The following CACNA1B variants were observed in gnomAD, a reference collection of about 807,000 sequenced individuals.
CACNA1B encodes calcium voltage-gated channel subunit alpha1 B.
A neutral mutation model predicts 247.2 loss-of-function variants in CACNA1B; 70 were observed. The ratio of observed to expected loss-of-function variants is 0.28; its 90% CI spans 0.23 to 0.35. The LOEUF is 0.35. CACNA1B is among the 10% of genes least tolerant of loss of function. The pLI, the probability that CACNA1B is intolerant of heterozygous loss-of-function variation, is 1.00. For synonymous variants in CACNA1B, 1,231 were observed against 1,294.4 expected (o/e 0.95, Z 1.05); for missense variants, 2,367 against 3,197.4 (o/e 0.74, Z 6.26).
Position 138,059,805 on chromosome 9 carries a change from G to A in CACNA1B, c.4668+68G>A. ...TTCCTTCTAGAGCCTGCTCCCCTCA[G>A]TGCATCTCCAGGCCCTGTGTTAGCC... is the stretch of plus-strand genomic sequence containing the variant. On this transcript the variant is annotated intron_variant, in intron 31 of 46. Coordinates refer to ENST00000371372, the MANE Select transcript of CACNA1B (RefSeq NM_000718.4). This position sits in a 1 kb window ranked among gnomAD's most constrained non-coding sequence, Gnocchi z 4.2. The A allele has an allele frequency of 3.4e-6, 3 of 888,666 alleles. No homozygotes were observed. The highest frequency in any genetic ancestry group is 5.7e-6 in the Non-Finnish European group (3 of 524,060). The allele number at this position is 888,666 out of a possible 1,614,324, so 55.0% of individuals were successfully genotyped here.
chr9:138,016,646 G>A (rs1000922695), intron 18 of CACNA1B, among the ~76,000 whole-genome samples: 4 of 152,164 alleles, frequency 2.6e-5, no homozygotes, highest in South Asian at 2.1e-4. Flanking sequence ...GCCCCATCTC[G>A]AGGGCCGGGA....
chr9:137,934,029 C>T (rs1023752933), intron 6 of CACNA1B, among the ~76,000 whole-genome samples: 6 of 152,122 alleles, frequency 3.9e-5, no homozygotes, highest in African/African-American at 1.2e-4. Context: ...GAAGTGATTC[C>T]ATCCATTTTG....
intron 3 of CACNA1B, among the ~76,000 whole-genome samples, chr9:137,885,394 C>T (rs1459211084): frequency 6.6e-6 from 1 of 152,174 alleles, no homozygotes; most frequent in Admixed American, 6.5e-5. Flanking sequence ...AGGGAGGAAC[C>T]CTCACCTCAC....
intron 3 of CACNA1B, among the ~76,000 whole-genome samples, chr9:137,901,516 G>C (rs1174353736): frequency 7.9e-5 from 12 of 151,902 alleles, no homozygotes; most frequent in Admixed American, 3.3e-4. Context: ...AGTAGCGATG[G>C]GGTTATTATT....
intron 42 of CACNA1B, among the ~76,000 whole-genome samples, chr9:138,116,770 G>T (rs1006637307): frequency 6.6e-6 from 1 of 152,152 alleles, no homozygotes; most frequent in African/African-American, 2.4e-5. Flanking sequence ...CAGGGTTAGC[G>T]GTGCATTAGG....
intron 3 of CACNA1B, among the ~76,000 whole-genome samples, chr9:137,909,761 CT>C (rs989259265): frequency 1.3e-5 from 2 of 149,734 alleles, no homozygotes; most frequent in Admixed American, 6.7e-5. Flanking sequence ...CTATGTTTAA[CT>C]TTTTTTTTTC....
intron 6 of CACNA1B, among the ~76,000 whole-genome samples, chr9:137,922,534 C>T (rs1436986712): frequency 6.6e-6 from 1 of 151,962 alleles, no homozygotes; most frequent in Non-Finnish European, 1.5e-5. Flanking sequence ...TTGGCAAGGG[C>T]GGTCTCAGTG....
intron 20 of CACNA1B, among the ~76,000 whole-genome samples, chr9:138,041,889 G>C (rs1007835957): frequency 6.6e-6 from 1 of 152,192 alleles, no homozygotes; most frequent in South Asian, 2.1e-4. Context: ...GGAGTCGCTG[G>C]AACTGTATGC....
chr9:137,980,631 G>T (rs972423530), intron 12 of CACNA1B, among the ~76,000 whole-genome samples: 2 of 152,172 alleles, frequency 1.3e-5, no homozygotes, highest in African/African-American at 2.4e-5. Context: ...AGTGAGCATA[G>T]TACCCGGAAG....
intron 3 of CACNA1B, among the ~76,000 whole-genome samples, chr9:137,886,808 G>A (rs1429053802): frequency 6.6e-6 from 1 of 152,130 alleles, no homozygotes; most frequent in African/African-American, 2.4e-5. Context: ...GATGAGTGGC[G>A]GGCTTTTTTT....
In CACNA1B at chr9:138,051,735, C is replaced by G. The variant is rs910043545; in HGVS notation, c.3711-357C>G. On this transcript the variant is annotated intron_variant, in intron 24 of 46. Coordinates refer to ENST00000371372, the MANE Select transcript of CACNA1B (RefSeq NM_000718.4). The surrounding 1 kb of genome is among the most constrained non-coding windows in gnomAD (Gnocchi z 4.3). ...AGAAGATTCTCGCCCTAGAAACGTGCTTGTGGGCTCCCACTTCTGGGTCTG... is the reference window on the plus strand; with the variant it reads ...AGAAGATTCTCGCCCTAGAAACGTGGTTGTGGGCTCCCACTTCTGGGTCTG... 2.0e-5 allele frequency among the ~76,000 whole-genome samples: 3 copies of G among 152,128 alleles called. No individual in the cohort carries two copies. Among genetic ancestry groups the G allele is most frequent in the African/African-American group, 7.2e-5 (3 of 41,426 alleles).
rs1961060849 is a variant in CACNA1B at position 138,096,531 on chromosome 9, C to T, written c.5142C>T (p.Leu1714=). Residue 1714 remains leucine (L), a synonymous_variant, in exon 37 of 47, where the codon CTC becomes CTT. Coordinates refer to ENST00000371372, the MANE Select transcript of CACNA1B (RefSeq NM_000718.4). ...VAVIMDNFEY[L]TRDSSILGPH... The stretch of plus-strand genomic sequence containing the variant: ...TGATCATGGACAATTTTGAGTACCT[C>T]ACGCGGGACTCTTCCATCCTAGGTC... The T allele has an allele frequency of 6.2e-7, 1 of 1,612,346 alleles. No individual in the cohort carries two copies. The highest frequency in any genetic ancestry group is 1.1e-5 in the South Asian group (1 of 91,002).
chr9:138,025,812 G>A (rs1460506784), intron 20 of CACNA1B, among the ~76,000 whole-genome samples: 1 of 152,074 alleles, frequency 6.6e-6, no homozygotes, highest in Non-Finnish European at 1.5e-5. Context: ...GAGATCTGCT[G>A]GTTACAAATA....
intron 31 of CACNA1B, among the ~76,000 whole-genome samples, chr9:138,065,786 C>T (rs766852975): frequency 2.8e-4 from 43 of 152,200 alleles, no homozygotes; most frequent in Admixed American, 7.9e-4. Flanking sequence ...ATCCTTACAG[C>T]GCCCATTCCT....
rs118126774 is a variant in CACNA1B at position 138,017,379 on chromosome 9, G to T, written c.2267+4144G>T. On this transcript the variant is annotated intron_variant, in intron 18 of 46. Coordinates refer to ENST00000371372, the MANE Select transcript of CACNA1B (RefSeq NM_000718.4). ...TGGGCTTGCTCCCTGATGTCCCCAA[G>T]TCCTGCCACGGGGTCAGACCCTCTG... is the stretch of plus-strand genomic sequence containing the variant. Among the ~76,000 whole-genome samples the T allele has an allele frequency of 8.3e-3, 1,271 of 152,356 alleles. 70 individuals carry two copies. In the East Asian group the frequency reaches 0.15, roughly 18 times the overall value.
In CACNA1B at chr9:138,059,096, T is replaced by C. The variant is rs779026653; in HGVS notation, c.4491T>C (p.Tyr1497=). 1.7e-5 allele frequency: 27 copies of C among 1,610,798 alleles called. No individual in the cohort carries two copies. In the Admixed American group the frequency reaches 4.2e-4, roughly 25 times the overall value. ...CCGGGCAGTTCTATGATGCACCCTA[T>C]GAGTACGAGCTGATGCTGAAATGCC... is the stretch of plus-strand genomic sequence containing the variant. The part of the protein sequence containing the change: ...VLMMKFYDAP[Y]EYELMLKCLN... The change falls in exon 30 of 47, where the codon TAT becomes TAC. Residue 1497 remains tyrosine (Y), a synonymous_variant. Transcript: ENST00000371372. This position sits in a 1 kb window ranked among gnomAD's most constrained non-coding sequence, Gnocchi z 4.2.
chr9:138,080,232 T>C (rs1960479601), intron 36 of CACNA1B, among the ~76,000 whole-genome samples: 1 of 152,160 alleles, frequency 6.6e-6, no homozygotes, highest in Non-Finnish European at 1.5e-5. Flanking sequence ...AGTGTGGTTA[T>C]TGTGCTGGAC....
chr9:138,058,597 C>T lies in CACNA1B; in HGVS notation c.4337C>T (p.Ala1446Val), dbSNP rs755030668. 1.2e-6 allele frequency: 2 copies of T among 1,612,848 alleles called. No individual in the cohort carries two copies. The highest frequency in any genetic ancestry group is 2.2e-5 in the East Asian group (1 of 44,896). ...ERACIDFAISAKPLTRYMPQN... is the reference protein window; with the variant it reads ...ERACIDFAISVKPLTRYMPQN... ...GCTTGCATTGACTTCGCCATCAGCG[C>T]CAAACCCCTGACACGGTACATGCCC... Residue 1446 changes from alanine (A) to valine (V), a missense_variant, in exon 29 of 47, where the codon GCC becomes GTC. Ala to Val is a moderately conservative substitution (Grantham distance 64). This residue lies in a region of CACNA1B where 436 missense variants were observed against 679.5 expected (regional missense o/e 0.64). Transcript: ENST00000371372. This position sits in a 1 kb window ranked among gnomAD's most constrained non-coding sequence, Gnocchi z 4.7.
intron 31 of CACNA1B, among the ~76,000 whole-genome samples, chr9:138,064,934 G>A (rs948929057): frequency 1.2e-4 from 18 of 152,218 alleles, no homozygotes; most frequent in African/African-American, 4.1e-4. Context: ...TGGTTGGCTC[G>A]TGGGCACTTG....
Sources: allele counts gnomAD v4.1 joint callset (sites outside exome capture counted in the v4.1 genomes callset), GRCh38; gene constraint gnomAD v4.1.1; regional missense constraint gnomAD v4.1.1; non-coding constraint Gnocchi (gnomAD v3.1); transcripts MANE v1.5; gene names NCBI Gene and HGNC (gene_info 2026-07-23, HGNC 2026-07-21).